Variants in CAMK4 observed in about 807,000 individuals in gnomAD.
The protein encoded by CAMK4 is calcium/calmodulin dependent protein kinase IV.
Under a neutral mutation model 44.9 loss-of-function variants are expected in CAMK4, and 22 were observed. That is an observed-to-expected ratio of 0.49 (90% CI 0.35 to 0.70). The LOEUF (loss-of-function observed/expected upper bound fraction) is 0.70. CAMK4 is among the 30% of genes least tolerant of loss of function. CAMK4 has a pLI of 0.01. For missense variants in CAMK4, 498 were observed against 586.8 expected (o/e 0.85, Z 1.56); for synonymous variants, 218 against 215.4 (o/e 1.01, Z -0.11).
chr5:111,302,107 A>C (rs1747745449), intron 1 of CAMK4: 1 of 152,164 alleles, frequency 6.6e-6, no homozygotes, highest in African/African-American at 2.4e-5. Context: ...GAAATCTTAA[A>C]ACATTTTATA....
intron 1 of CAMK4, among the ~76,000 whole-genome samples, chr5:111,234,194 A>G (rs1748605753): frequency 6.6e-6 from 1 of 152,214 alleles, no homozygotes; most frequent in African/African-American, 2.4e-5. Flanking sequence ...ATTCTACTTT[A>G]TGAAAAGTGA....
chr5:111,329,581 C>T (rs1749065372), intron 1 of CAMK4, among the ~76,000 whole-genome samples: 2 of 151,588 alleles, frequency 1.3e-5, no homozygotes, highest in Admixed American at 1.3e-4. Flanking sequence ...GTATAAAAGT[C>T]CTTTTATAAT....
chr5:111,424,434 C>CTTTTTTTTTTT (rs34618322), intron 5 of CAMK4, among the ~76,000 whole-genome samples: 1 of 64,908 alleles, frequency 1.5e-5, no homozygotes, highest in Non-Finnish European at 2.7e-5. Flanking sequence ...ATCTTCTATT[C>CTTTTTTTTTTT]TTTTTTTTTT....
At chr5:111,336,602 G>A (rs1476347486) in intron 1 of CAMK4, among the ~76,000 whole-genome samples, 2 of 150,832 alleles carry the variant, frequency 1.3e-5, no homozygotes, top group Non-Finnish European at 3.0e-5. Context: ...AGCCAAAAAC[G>A]TATTTATTAA....
At chr5:111,251,510 C>G (rs1360516122) in intron 1 of CAMK4, among the ~76,000 whole-genome samples, 1 of 152,216 alleles carries the variant, frequency 6.6e-6, no homozygotes, top group Non-Finnish European at 1.5e-5. Flanking sequence ...ACCATGTTCA[C>G]TGCATCACAA....
At chr5:111,438,682 AAC>A (rs1293953761) in intron 5 of CAMK4, among the ~76,000 whole-genome samples, 6 of 152,222 alleles carry the variant, frequency 3.9e-5, no homozygotes, top group African/African-American at 1.2e-4. Flanking sequence ...TAGGAGAACA[AAC>A]ACTGTAAATG....
At position 111,351,420 on chromosome 5, in the gene CAMK4, T is replaced by C. The variant is rs535123445; in HGVS notation, c.240+7318T>C. On this transcript the variant is annotated intron_variant, in intron 2 of 10. Transcript: ENST00000282356. Reference sequence around the variant, plus strand: ...TTCTTTTTCTTTTTCTTTTTTTTTTTTTGAGACAGAGTTTCGCTTTTGTTG... The same window carrying C: ...TTCTTTTTCTTTTTCTTTTTTTTTTCTTGAGACAGAGTTTCGCTTTTGTTG... Among the ~76,000 whole-genome samples, 17 of 152,010 alleles carry C rather than the reference T, an allele frequency of 1.1e-4. No individual in the cohort carries two copies. In the East Asian group the frequency reaches 1.7e-3, roughly 16 times the overall value.
In CAMK4 at chr5:111,473,301, T is replaced by A; in HGVS notation, c.626-10T>A. On this transcript the variant is annotated splice_polypyrimidine_tract_variant and intron_variant, in intron 7 of 10. Transcript: ENST00000282356. The stretch of plus-strand genomic sequence containing the variant: ...GCTCTAATTTAACACAATTTTCACT[T>A]TTTCTGCAGCACCTGAAATTCTTAG... 1 of 1,599,044 alleles carries A rather than the reference T, an allele frequency of 6.3e-7. No homozygotes were observed. The highest frequency in any genetic ancestry group is 1.7e-5 in the Admixed American group (1 of 59,886).
At chr5:111,383,864 TAAAAAG>T (rs1233949404) in intron 4 of CAMK4, among the ~76,000 whole-genome samples, 1 of 152,146 alleles carries the variant, frequency 6.6e-6, no homozygotes, top group African/African-American at 2.4e-5. Context: ...GGATGAACTT[TAAAAAG>T]TTTATGCTAA....
At chr5:111,382,471 T>A (rs1297367579) in intron 4 of CAMK4, among the ~76,000 whole-genome samples, 1 of 152,206 alleles carries the variant, frequency 6.6e-6, no homozygotes. Context: ...AAATTAGTCA[T>A]CAATGTAATT....
In CAMK4 at chr5:111,344,032, C is replaced by A. The variant is rs779229223; in HGVS notation, c.170C>A (p.Thr57Lys). 1 of 1,597,676 alleles carries A rather than the reference C, an allele frequency of 6.3e-7. No homozygotes were observed. The highest frequency in any genetic ancestry group is 8.6e-7 in the Non-Finnish European group (1 of 1,166,978). The change falls in exon 2 of 11, where the codon ACA becomes AAA. Residue 57 changes from threonine (T) to lysine (K), a missense_variant. Physicochemically the swap from Thr to Lys is moderately conservative, Grantham distance 78. Transcript: ENST00000282356. ...EVESELGRGA[T>K]SIVYRCKQKG... ...TCTTTTTCCCCCTCAAGGGGTGCTA[C>A]ATCCATTGTGTACAGATGCAAACAG...
chr5:111,339,185 T>G (rs138836373), intron 1 of CAMK4, among the ~76,000 whole-genome samples: 263 of 151,460 alleles, frequency 1.7e-3, no homozygotes, highest in African/African-American at 6.1e-3. Flanking sequence ...GTTGTCTGTT[T>G]TATTCTGCTG....
At chr5:111,352,336 A>G (rs572195776) in intron 2 of CAMK4, among the ~76,000 whole-genome samples, 134 of 148,734 alleles carry the variant, frequency 9.0e-4, no homozygotes, top group African/African-American at 3.0e-3. Context: ...CTAAGGGTCA[A>G]TATCTTGTTC....
chr5:111,266,288 T>C (rs529238378), intron 1 of CAMK4, among the ~76,000 whole-genome samples: 1 of 151,878 alleles, frequency 6.6e-6, no homozygotes, highest in South Asian at 2.1e-4. Flanking sequence ...ATTTCCCTTA[T>C]TATATTTATT....
intron 4 of CAMK4, 97 bp from the exon 5 acceptor site, chr5:111,394,613 T>C: frequency 1.3e-6 from 1 of 758,366 alleles, no homozygotes; most frequent in Non-Finnish European, 2.2e-6. Flanking sequence ...CAATTGTTTA[T>C]GTGCACCATC....
intron 2 of CAMK4, among the ~76,000 whole-genome samples, chr5:111,373,819 A>G (rs1197267513): frequency 6.6e-6 from 1 of 152,152 alleles, no homozygotes; most frequent in Non-Finnish European, 1.5e-5. Context: ...CCATAGTAAG[A>G]GTGCAGGTAT....
intron 1 of CAMK4, among the ~76,000 whole-genome samples, chr5:111,260,408 T>G (rs944474681): frequency 1.3e-5 from 2 of 152,198 alleles, no homozygotes; most frequent in African/African-American, 4.8e-5. Context: ...CATACCTCAT[T>G]GATCCTCCTC....
chr5:111,248,398 G>A (rs1481312107), intron 1 of CAMK4, among the ~76,000 whole-genome samples: 1 of 152,110 alleles, frequency 6.6e-6, no homozygotes, highest in Admixed American at 6.6e-5. Context: ...CAGCCAGTAA[G>A]ATCGAGCAGG....
In CAMK4 at chr5:111,443,305, C is replaced by CT. The variant is rs1317399028; in HGVS notation, c.460-3381_460-3380insT. ...ACACACACACACACACACACACACACACACACACACTATATATATATACTA... is the reference window on the plus strand; with the variant it reads ...ACACACACACACACACACACACACACTACACACACACTATATATATATACTA... On this transcript the variant is annotated intron_variant, in intron 5 of 10. Coordinates refer to ENST00000282356, the MANE Select transcript of CAMK4 (RefSeq NM_001744.6). Among the ~76,000 whole-genome samples, 442 of 134,774 alleles carry CT rather than the reference C, an allele frequency of 3.3e-3. 1 individual carries two copies. The highest frequency in any genetic ancestry group is 0.012 in the African/African-American group (427 of 35,384). 88.4% of individuals were successfully genotyped at this position (134,774 alleles called of 152,430 possible).
Sources: gnomAD v4.1 joint callset for allele counts (sites outside exome capture counted in the v4.1 genomes callset) on GRCh38, gnomAD v4.1.1 for gene constraint, MANE v1.5 for transcripts, NCBI Gene and HGNC (gene_info 2026-07-23, HGNC 2026-07-21) for gene names.